Variants in WLS observed in about 807,000 individuals in gnomAD.
WLS encodes Wnt ligand secretion mediator, also known as protein wntless homolog.
In WLS, 23 loss-of-function variants were observed where a neutral mutation model predicts 62.8. The ratio of observed to expected loss-of-function variants is 0.37; its 90% confidence interval spans 0.26 to 0.52. The LOEUF (loss-of-function observed/expected upper bound fraction) is 0.52. WLS is among the 20% of genes least tolerant of loss of function. WLS has a pLI of 0.92. For synonymous variants in WLS, 246 were observed against 244.1 expected, an observed-to-expected ratio of 1.01 and a Z score of -0.07; for missense variants, 615 against 697.3, an observed-to-expected ratio of 0.88 and a Z score of 1.33.
intron 4 of WLS, among the ~76,000 whole-genome samples, chr1:68,154,548 A>T (rs1646870967): frequency 6.6e-6 from 1 of 152,210 alleles, no homozygotes; most frequent in Non-Finnish European, 1.5e-5. Flanking sequence ...TACGTATAAA[A>T]AAAAGCCTGG....
At chr1:68,106,257 G>A (rs1225773224) in intron 11 of WLS, among the ~76,000 whole-genome samples, 8 of 152,092 alleles carry the variant, frequency 5.3e-5, no homozygotes, top group African/African-American at 9.7e-5. Context: ...CAAGGCAGCC[G>A]GACTCAATGG....
intron 11 of WLS, among the ~76,000 whole-genome samples, chr1:68,130,393 T>G (rs891401891): frequency 6.6e-6 from 1 of 152,148 alleles, no homozygotes; most frequent in Non-Finnish European, 1.5e-5. Flanking sequence ...GAGTTCATAT[T>G]TGTTCTCAAG....
At chr1:68,130,889 C>CTTCTTTT (rs1646508826) in intron 11 of WLS, among the ~76,000 whole-genome samples, 1 of 100,838 alleles carries the variant, frequency 9.9e-6, no homozygotes, top group African/African-American at 3.8e-5. Flanking sequence ...GTTTCTTCTT[C>CTTCTTTT]TTTTTTTTTT....
At chr1:68,209,049 G>A (rs1395669241) in intron 1 of WLS, among the ~76,000 whole-genome samples, 1 of 152,160 alleles carries the variant, frequency 6.6e-6, no homozygotes, top group Admixed American at 6.5e-5. Flanking sequence ...CTGTTGTGGG[G>A]GTTTGGCTTG....
In WLS at chr1:68,149,681, G is replaced by A. The variant is rs189562062; in HGVS notation, c.972+507C>T. ...GGTGTCTGTGCAAACTGAGGAGACC[G>A]GGAAGGTCTGTATTTCAGAGTAATA... is the stretch of plus-strand genomic sequence containing the variant. On this transcript the variant is annotated intron_variant, in intron 6 of 11. Transcript: ENST00000262348. Among the ~76,000 whole-genome samples the A allele has an allele frequency of 1.3e-3, 203 of 152,222 alleles. 2 individuals carry two copies. In the Middle Eastern group the frequency reaches 0.014, roughly 10 times the overall value.
chr1:68,232,378 C>G lies in WLS; in HGVS notation c.-79G>C. On this transcript the variant is annotated 5_prime_UTR_variant, in exon 1 of 12. Coordinates refer to ENST00000262348, the MANE Select transcript of WLS (RefSeq NM_024911.7). The stretch of plus-strand genomic sequence containing the variant: ...TTTTTGCTCCCTCCTCTCACACACT[C>G]CCTCCTTCCTCGCCTCCTTTCTGGG... The G allele has an allele frequency of 6.5e-7, 1 of 1,529,072 alleles. No homozygotes were observed. Among genetic ancestry groups the G allele is most frequent in the Non-Finnish European group, 8.8e-7 (1 of 1,135,836 alleles). 94.7% of individuals were successfully genotyped at this position (1,529,072 alleles called of 1,614,324 possible). A position where few individuals can be genotyped will look rare whatever the true frequency, so the allele number is the denominator to read the frequency against.
intron 11 of WLS, among the ~76,000 whole-genome samples, chr1:68,116,906 C>T (rs1209119818): frequency 6.6e-6 from 1 of 152,152 alleles, no homozygotes; most frequent in Non-Finnish European, 1.5e-5. Context: ...TGAAGGCTAA[C>T]AGAACTGTCC....
chr1:68,106,602 C>T (rs1040392245), intron 11 of WLS, among the ~76,000 whole-genome samples: 10 of 152,138 alleles, frequency 6.6e-5, no homozygotes, highest in Non-Finnish European at 2.9e-5. Flanking sequence ...GCTCACTGTT[C>T]AATGGTGGCA....
intron 1 of WLS, among the ~76,000 whole-genome samples, chr1:68,208,541 A>T (rs1424446254): frequency 6.6e-6 from 1 of 152,208 alleles, no homozygotes; most frequent in Non-Finnish European, 1.5e-5. Flanking sequence ...ATGGGAAAGA[A>T]AATAGGGATT....
chr1:68,219,835 A>G (rs1474362081), intron 1 of WLS, among the ~76,000 whole-genome samples: 1 of 152,180 alleles, frequency 6.6e-6, no homozygotes, highest in African/African-American at 2.4e-5. Context: ...TTTTTCCTCA[A>G]AGTTTGACTT....
chr1:68,115,896 A>C (rs1646285825), intron 11 of WLS, among the ~76,000 whole-genome samples: 1 of 151,976 alleles, frequency 6.6e-6, no homozygotes, highest in African/African-American at 2.4e-5. Flanking sequence ...CTATTCCACT[A>C]GTCTTCCACC....
At chr1:68,157,782 A>T (rs1646919417) in intron 3 of WLS, among the ~76,000 whole-genome samples, 1 of 152,306 alleles carries the variant, frequency 6.6e-6, no homozygotes, top group South Asian at 2.1e-4. Flanking sequence ...ATTAAGAAGC[A>T]GTTGCAGGCA....
intron 2 of WLS, among the ~76,000 whole-genome samples, chr1:68,193,248 CAA>C (rs980958771): frequency 7.3e-5 from 11 of 150,902 alleles, no homozygotes; most frequent in Admixed American, 2.6e-4. Flanking sequence ...AAGGAAAAAA[CAA>C]AAAGTTTTCT....
At chr1:68,168,650 C>G (rs1647098943) in intron 2 of WLS, among the ~76,000 whole-genome samples, 2 of 152,118 alleles carry the variant, frequency 1.3e-5, no homozygotes, top group South Asian at 4.1e-4. Context: ...GGCCTTTGCC[C>G]TGGGAAAAAA....
At chr1:68,102,648 G>T (rs1646093815) in intron 11 of WLS, 1 of 152,154 alleles carries the variant, frequency 6.6e-6, no homozygotes, top group South Asian at 2.1e-4. Context: ...TTTCTCAATT[G>T]GTTCAGAATC....
intron 11 of WLS, among the ~76,000 whole-genome samples, chr1:68,118,397 C>T (rs1646320928): frequency 1.3e-5 from 2 of 152,206 alleles, no homozygotes; most frequent in South Asian, 4.1e-4. Flanking sequence ...TCTCATTCTG[C>T]TGTTGGCACA....
At chr1:68,125,232 C>T, downstream of WLS, 1 of 845,964 alleles carries the variant, frequency 1.2e-6, no homozygotes, top group Non-Finnish European at 1.4e-6. Flanking sequence ...ACTCTTTCTC[C>T]AGGAATAGGT....
chr1:68,174,824 A>T (rs1647209033), intron 2 of WLS, among the ~76,000 whole-genome samples: 1 of 152,150 alleles, frequency 6.6e-6, no homozygotes, highest in South Asian at 2.1e-4. Flanking sequence ...ATGGTTTATG[A>T]CCATTGATGT....
intron 11 of WLS, among the ~76,000 whole-genome samples, chr1:68,103,466 C>G (rs1414870978): frequency 6.6e-5 from 10 of 152,132 alleles, no homozygotes. Flanking sequence ...TCTAATGGAC[C>G]AGGAAAGCTA....
Sources: gnomAD v4.1 joint callset for allele counts (sites outside exome capture counted in the v4.1 genomes callset) on GRCh38, gnomAD v4.1.1 for gene constraint, MANE v1.5 for transcripts, NCBI Gene and HGNC (gene_info 2026-07-23, HGNC 2026-07-21) for gene names.